Variants in RHOU observed in about 807,000 individuals in gnomAD.
The protein encoded by RHOU is rho-related GTP-binding protein RhoU.
In RHOU, 8 loss-of-function variants were observed where a neutral mutation model predicts 12.6. The observed-to-expected ratio is 0.64, with a 90% CI of 0.37 to 1.15. The LOEUF (loss-of-function observed/expected upper bound fraction) is 1.15, where lower values mean the gene tolerates loss of function less well. RHOU is among the 50% of genes most tolerant of loss of function. RHOU has a pLI of 0.01. For synonymous variants in RHOU, 161 were observed against 147.4 expected, an observed-to-expected ratio of 1.09 and a Z score of -0.67; for missense variants, 258 against 347.0, an observed-to-expected ratio of 0.74 and a Z score of 2.04.
At chr1:228,685,583 G>A in the RHOU span, among the ~76,000 whole-genome samples, 1 of 152,204 alleles carries the variant, frequency 6.6e-6, no homozygotes, top group African/African-American at 2.4e-5. Context: ...TGGAGCCAGA[G>A]AATGATAGGA....
At chr1:228,670,141 A>G in the RHOU span, among the ~76,000 whole-genome samples, 1 of 152,336 alleles carries the variant, frequency 6.6e-6, no homozygotes, top group African/African-American at 2.4e-5. Flanking sequence ...AAGAGGATGA[A>G]TTAGAATCTT....
upstream of RHOU, among the ~76,000 whole-genome samples, chr1:228,733,384 T>C (rs1220133719): frequency 6.6e-6 from 1 of 152,240 alleles, no homozygotes; most frequent in East Asian, 1.9e-4. Flanking sequence ...AAGGGCTCAC[T>C]GGAGCCTCGA....
At chr1:228,699,184 G>A in the RHOU span, among the ~76,000 whole-genome samples, 1 of 151,630 alleles carries the variant, frequency 6.6e-6, no homozygotes, top group Admixed American at 6.6e-5. Context: ...TGTAACCTCA[G>A]CACTTTGGGA....
At chr1:228,670,294 T>C in the RHOU span, among the ~76,000 whole-genome samples, 1 of 152,206 alleles carries the variant, frequency 6.6e-6, no homozygotes, top group South Asian at 2.1e-4. Flanking sequence ...AGATAATCAT[T>C]AAGGCCACCC....
chr1:228,739,282 C>A (rs1375566695), intron 2 of RHOU, among the ~76,000 whole-genome samples: 1 of 152,022 alleles, frequency 6.6e-6, no homozygotes. Context: ...TAAAACATGG[C>A]CAGCCAGGCG....
At chr1:228,671,220 G>A in the RHOU span, among the ~76,000 whole-genome samples, 1 of 152,024 alleles carries the variant, frequency 6.6e-6, no homozygotes, top group Non-Finnish European at 1.5e-5. Context: ...GGCAAGGCTG[G>A]TCTCAAACTC....
At chr1:228,689,627 G>C in the RHOU span, among the ~76,000 whole-genome samples, 5 of 151,968 alleles carry the variant, frequency 3.3e-5, no homozygotes, top group Non-Finnish European at 5.9e-5. Context: ...GTGAGCAGTG[G>C]GTGAGCATTA....
At chr1:228,716,156 G>A in the RHOU span, among the ~76,000 whole-genome samples, 187 of 152,184 alleles carry the variant, frequency 1.2e-3, no homozygotes, top group Non-Finnish European at 2.0e-3. Flanking sequence ...AGGCTCAAGC[G>A]ATCCTCCTGC....
At chr1:228,733,355 T>G (rs1662529981), upstream of RHOU, among the ~76,000 whole-genome samples, 1 of 152,246 alleles carries the variant, frequency 6.6e-6, no homozygotes, top group Non-Finnish European at 1.5e-5. Flanking sequence ...TCGCCCAGGC[T>G]AGAGTATATT....
rs773737965 is a variant in RHOU at position 228,746,545 on chromosome 1, G to A, written c.*2805G>A. ...AGCAAGGCCTTCTCTCCAGACTATC[G>A]TAACCTGGTGCCTTACCAAGTTGTG... On this transcript the variant is annotated 3_prime_UTR_variant, in exon 3 of 3. Transcript: ENST00000366691. 6.6e-5 allele frequency: 10 copies of A among 152,188 alleles called. No homozygotes were observed. Among genetic ancestry groups the A allele is most frequent in the Admixed American group, 1.3e-4 (2 of 15,280 alleles). 9.4% of individuals were successfully genotyped at this position (152,188 alleles called of 1,614,324 possible).
the RHOU span, among the ~76,000 whole-genome samples, chr1:228,693,453 A>G: frequency 2.0e-5 from 3 of 152,176 alleles, no homozygotes; most frequent in African/African-American, 7.2e-5. Flanking sequence ...TAGAAGTCCC[A>G]TCATTACCTC....
chr1:228,674,761 C>T, the RHOU span, among the ~76,000 whole-genome samples: 13 of 150,798 alleles, frequency 8.6e-5, no homozygotes, highest in Middle Eastern at 3.3e-3. Context: ...GACAGAGTCT[C>T]GCTCTGTCGC....
At chr1:228,684,766 CA>C in the RHOU span, among the ~76,000 whole-genome samples, 1 of 152,080 alleles carries the variant, frequency 6.6e-6, no homozygotes, top group African/African-American at 2.4e-5. Context: ...GAGAAGGAAC[CA>C]CAAGGATGAC....
the RHOU span, among the ~76,000 whole-genome samples, chr1:228,667,224 A>T: frequency 1.3e-5 from 2 of 152,206 alleles, no homozygotes; most frequent in Non-Finnish European, 2.9e-5. Context: ...GGATTCAGAG[A>T]CTGACCCCAT....
intron 1 of RHOU, among the ~76,000 whole-genome samples, chr1:228,736,214 G>C (rs1336371717): frequency 3.4e-5 from 5 of 147,466 alleles, no homozygotes; most frequent in Non-Finnish European, 6.0e-5. Context: ...GACCACGGCG[G>C]AGTGGGCTTG....
At chr1:228,689,453 ACTGT>A in the RHOU span, among the ~76,000 whole-genome samples, 5 of 152,238 alleles carry the variant, frequency 3.3e-5, no homozygotes, top group East Asian at 1.9e-4. Flanking sequence ...CCCTATGGAA[ACTGT>A]CTGCTGACTG....
chr1:228,656,003 C>T, the RHOU span, among the ~76,000 whole-genome samples: 9 of 152,214 alleles, frequency 5.9e-5, no homozygotes, highest in African/African-American at 1.9e-4. Context: ...CAATCTTGGA[C>T]TGGGGCCACC....
At chr1:228,689,849 C>G in the RHOU span, among the ~76,000 whole-genome samples, 1 of 151,964 alleles carries the variant, frequency 6.6e-6, no homozygotes, top group Non-Finnish European at 1.5e-5. Context: ...CGAAACTGGT[C>G]CCTGGCAACA....
the RHOU span, among the ~76,000 whole-genome samples, chr1:228,716,750 G>A: frequency 0.18 from 14,428 of 79,200 alleles, 758 homozygotes; most frequent in African/African-American, 0.38. Flanking sequence ...ACACACACAT[G>A]TGTGTGTATA....
Sources: allele counts gnomAD v4.1 joint callset (sites outside exome capture counted in the v4.1 genomes callset), GRCh38; gene constraint gnomAD v4.1.1; transcripts MANE v1.5; gene names NCBI Gene and HGNC (gene_info 2026-07-23, HGNC 2026-07-21).